Variants in SEC23A observed in about 807,000 individuals in gnomAD.
SEC23A encodes SEC23 homolog A, COPII component, also known as protein transport protein Sec23A.
A neutral mutation model predicts 103.7 loss-of-function variants in SEC23A; 56 were observed. The ratio of observed to expected loss-of-function variants is 0.54; its 90% confidence interval spans 0.44 to 0.67. The LOEUF is 0.67. Ranked by LOEUF, SEC23A falls within the 30% of genes least tolerant of loss-of-function variation. SEC23A has a pLI of 0.00. For missense variants in SEC23A, 784 were observed against 936.4 expected (o/e 0.84, Z 2.12); for synonymous variants, 281 against 293.0 (o/e 0.96, Z 0.42).
Position 39,094,420 on chromosome 14 carries a change from ATATATATATATATATATATATATTTTTTT to A in SEC23A, c.222-1205_222-1177del, listed in dbSNP as rs1566515044. On this transcript the variant is annotated intron_variant, in intron 2 of 19. Coordinates refer to ENST00000307712, the MANE Select transcript of SEC23A (RefSeq NM_006364.4). ...CACATATATATATATATATATATAT[ATATATATATATATATATATATATTTTTTT>A]TTTTTTTTTTTCCCCTCCTGTAGAA... 1.1e-4 allele frequency among the ~76,000 whole-genome samples: 7 copies of A among 62,534 alleles called. 2 individuals carry two copies. Among genetic ancestry groups the A allele is most frequent in the African/African-American group, 5.3e-4 (4 of 7,616 alleles). 41.0% of individuals were successfully genotyped at this position (62,534 alleles called of 152,430 possible).
intron 3 of SEC23A, 144 bp downstream of exon 3, chr14:39,093,043 A>G: frequency 1.7e-6 from 1 of 585,946 alleles, no homozygotes; most frequent in Non-Finnish European, 2.9e-6. Flanking sequence ...TTTTTTTTGT[A>G]TTTTTAGTAG....
Position 39,061,793 on chromosome 14 carries a change from G to T in SEC23A, c.1477C>A (p.Arg493Ser). ...CTAGCAATGGTGGTCACTCGGATGCGTCTCTGCCCACTTGAATGCTGATAC... is the reference window on the plus strand; with the variant it reads ...CTAGCAATGGTGGTCACTCGGATGCTTCTCTGCCCACTTGAATGCTGATAC... ...TQYQHSSGQRRIRVTTIARNW... is the reference protein window; with the variant it reads ...TQYQHSSGQRSIRVTTIARNW... The change falls in exon 13 of 20, where the codon CGC (arginine) becomes AGC (serine). Residue 493 changes from arginine to serine, a missense_variant. By Grantham distance (110) the Arg-to-Ser change is moderately radical (BLOSUM62 -1). Coordinates refer to ENST00000307712, the MANE Select transcript of SEC23A (RefSeq NM_006364.4). The T allele has an allele frequency of 1.2e-6, 2 of 1,612,958 alleles. No individual in the cohort carries two copies. The highest frequency in any genetic ancestry group is 1.7e-6 in the Non-Finnish European group (2 of 1,178,998).
intron 18 of SEC23A, chr14:39,040,045 A>G (rs781668917): frequency 6.6e-6 from 1 of 152,286 alleles, no homozygotes; most frequent in Non-Finnish European, 1.5e-5. Context: ...AATACAAAGC[A>G]TAGTCCCTGC....
chr14:39,048,578 T>A, intron 15 of SEC23A, 74 bp downstream of exon 15: 1 of 929,948 alleles, frequency 1.1e-6, no homozygotes, highest in Non-Finnish European at 1.7e-6. Flanking sequence ...TCAGCATGGA[T>A]GACATAGGGA....
intron 11 of SEC23A, chr14:39,064,649 C>T (rs922120641): frequency 4.5e-6 from 2 of 448,082 alleles, no homozygotes; most frequent in African/African-American, 4.0e-5. Context: ...CTACCTAAAA[C>T]AATCAATATA....
chr14:39,047,892 G>A (rs1472837639), intron 15 of SEC23A, among the ~76,000 whole-genome samples: 1 of 152,156 alleles, frequency 6.6e-6, no homozygotes, highest in East Asian at 1.9e-4. Flanking sequence ...AGATTCCACT[G>A]CTCCAGGTGG....
chr14:39,041,933 CT>C (rs1885662398), intron 17 of SEC23A, among the ~76,000 whole-genome samples: 2 of 149,900 alleles, frequency 1.3e-5, no homozygotes, highest in South Asian at 4.2e-4. Context: ...AATGTCTTTA[CT>C]ATTACAGTAC....
intron 18 of SEC23A, chr14:39,040,359 C>A: frequency 5.7e-6 from 1 of 174,308 alleles, no homozygotes; most frequent in South Asian, 1.5e-4. Context: ...TGTAAGTTAC[C>A]ACAAATGTCA....
At chr14:39,084,109 C>A (rs1015839165) in intron 7 of SEC23A, among the ~76,000 whole-genome samples, 2 of 151,988 alleles carry the variant, frequency 1.3e-5, no homozygotes, top group African/African-American at 2.4e-5. Context: ...GCAACCTCCA[C>A]CTTCCGGGTT....
At chr14:39,094,757 G>A (rs1887829367) in intron 2 of SEC23A, 1 of 451,948 alleles carries the variant, frequency 2.2e-6, no homozygotes, top group Admixed American at 4.0e-5. Flanking sequence ...CTATACCATT[G>A]TCAAGGTAGG....
chr14:39,084,277 C>G (rs1331311063), intron 7 of SEC23A, among the ~76,000 whole-genome samples: 2 of 152,040 alleles, frequency 1.3e-5, no homozygotes, highest in Non-Finnish European at 2.9e-5. Flanking sequence ...CCACCCACCT[C>G]GGCCTCCCAA....
rs202028204 is a variant in SEC23A, at chr14:39,051,144, C to CA, written c.1660-2416dup. On this transcript the variant is annotated intron_variant, in intron 14 of 19. Coordinates refer to ENST00000307712, the MANE Select transcript of SEC23A (RefSeq NM_006364.4). ...ATTATACTAATAAATTTCTTTCCCT[C>CA]AATTTAGCATAGTAATATGTTTTCT... Among the ~76,000 whole-genome samples the CA allele has an allele frequency of 5.5e-3, 832 of 152,346 alleles. 8 individuals carry two copies. The highest frequency in any genetic ancestry group is 0.018 in the African/African-American group (765 of 41,576).
chr14:39,092,887 G>T, intron 3 of SEC23A: 1 of 489,640 alleles, frequency 2.0e-6, no homozygotes, highest in Non-Finnish European at 3.6e-6. Flanking sequence ...TTTTTGAGAC[G>T]GAGTCTTGCT....
chr14:39,084,135 C>G (rs978815682), intron 7 of SEC23A, among the ~76,000 whole-genome samples: 1 of 151,916 alleles, frequency 6.6e-6, no homozygotes, highest in African/African-American at 2.4e-5. Context: ...GATTCTCCTG[C>G]CTCAGCCTCC....
At chr14:39,056,865 A>G (rs1444029242) in intron 13 of SEC23A, among the ~76,000 whole-genome samples, 1 of 152,210 alleles carries the variant, frequency 6.6e-6, no homozygotes, top group East Asian at 1.9e-4. Flanking sequence ...AAGTAAGTGT[A>G]AAGGCAGCTC....
chr14:39,040,644 G>A, intron 18 of SEC23A, 88 bp downstream of exon 18: 1 of 1,509,356 alleles, frequency 6.6e-7, no homozygotes, highest in Non-Finnish European at 9.2e-7. Flanking sequence ...GCTTTATGAA[G>A]CAATCTATTA....
chr14:39,034,924 A>AG (rs1885412639), intron 19 of SEC23A, among the ~76,000 whole-genome samples: 2 of 152,196 alleles, frequency 1.3e-5, no homozygotes, highest in Admixed American at 6.5e-5. Context: ...TACTTATCAT[A>AG]GGGTCCTTGA....
chr14:39,086,087 G>A (rs1887433744), intron 6 of SEC23A, among the ~76,000 whole-genome samples, 181 bp from the exon 7 acceptor site: 1 of 152,094 alleles, frequency 6.6e-6, no homozygotes, highest in Non-Finnish European at 1.5e-5. Flanking sequence ...ATATTGCTAG[G>A]TCCCAGTTCT....
chr14:39,080,178 T>C (rs1432748248), intron 7 of SEC23A, among the ~76,000 whole-genome samples: 1 of 152,018 alleles, frequency 6.6e-6, no homozygotes, highest in Non-Finnish European at 1.5e-5. Flanking sequence ...TCTCTCATGC[T>C]CTCATTGCAA....
Sources: allele counts gnomAD v4.1 joint callset (sites outside exome capture counted in the v4.1 genomes callset), GRCh38; gene constraint gnomAD v4.1.1; transcripts MANE v1.5; gene names NCBI Gene and HGNC (gene_info 2026-07-23, HGNC 2026-07-21).